Variants in ELAPOR2 observed in about 807,000 individuals in gnomAD.
The protein encoded by ELAPOR2 is endosome-lysosome associated apoptosis and autophagy regulator family member 2, also known as endosome/lysosome-associated apoptosis and autophagy regulator family member 2.
A neutral mutation model predicts 120.7 loss-of-function variants in ELAPOR2; 89 were observed. The ratio of observed to expected loss-of-function variants is 0.74; its 90% confidence interval spans 0.62 to 0.88. The LOEUF is 0.88. Among genes scored for constraint, ELAPOR2 ranks in the 40% least tolerant of loss-of-function variants. The pLI is 0.00. For synonymous variants in ELAPOR2, 444 were observed against 444.9 expected (o/e 1.00, Z 0.03); for missense variants, 1,134 against 1,251.6 (o/e 0.91, Z 1.42).
At chr7:86,972,410 C>G (rs1792135731) in intron 1 of ELAPOR2, among the ~76,000 whole-genome samples, 1 of 152,044 alleles carries the variant, frequency 6.6e-6, no homozygotes, top group Non-Finnish European at 1.5e-5. Context: ...CTGCACCTCC[C>G]TGGTTTGCAG....
chr7:86,893,296 T>A lies in ELAPOR2; in HGVS notation c.2686-196A>T, dbSNP rs202059231. On this transcript the variant is annotated intron_variant, in intron 19 of 21. Transcript: ENST00000450689. ...GCTCCAGAAACACAGGAAAAAAATA[T>A]ATGTGAATGAATAAGGAATTAATGA... 1.0e-3 allele frequency among the ~76,000 whole-genome samples: 157 copies of A among 151,976 alleles called. 2 individuals carry two copies. The highest frequency in any genetic ancestry group is 0.01 in the East Asian group (52 of 5,140).
intron 21 of ELAPOR2, 33 bp downstream of exon 21, chr7:86,891,691 C>T (rs200730802): frequency 6.3e-7 from 1 of 1,581,650 alleles, no homozygotes; most frequent in African/African-American, 1.4e-5. Flanking sequence ...TTTATAAACA[C>T]CCAGTAACAC....
intron 1 of ELAPOR2, among the ~76,000 whole-genome samples, chr7:87,026,519 A>G (rs1275654107): frequency 6.6e-6 from 1 of 151,950 alleles, no homozygotes; most frequent in Non-Finnish European, 1.5e-5. Context: ...GAACTTTAGA[A>G]TTCCCAGTTA....
intron 12 of ELAPOR2, among the ~76,000 whole-genome samples, chr7:86,917,673 T>G (rs1231728364): frequency 6.6e-6 from 1 of 152,120 alleles, no homozygotes; most frequent in East Asian, 1.9e-4. Context: ...AAGTGGATAC[T>G]TTTTTTCAGA....
intron 12 of ELAPOR2, among the ~76,000 whole-genome samples, chr7:86,917,184 C>T (rs1011100568): frequency 6.6e-6 from 1 of 151,798 alleles, no homozygotes; most frequent in Admixed American, 6.6e-5. Flanking sequence ...CTTTGGGAGG[C>T]CAAAATGGGC....
chr7:87,042,621 G>T (rs1794822225), intron 1 of ELAPOR2, among the ~76,000 whole-genome samples: 1 of 151,868 alleles, frequency 6.6e-6, no homozygotes, highest in Non-Finnish European at 1.5e-5. Context: ...GTGTGTAGAG[G>T]GAAATTTACA....
At chr7:86,989,695 C>CA (rs1792877690) in intron 1 of ELAPOR2, among the ~76,000 whole-genome samples, 1 of 152,116 alleles carries the variant, frequency 6.6e-6, no homozygotes. Context: ...CCTCAAGTTT[C>CA]AAGTGGAATC....
chr7:86,983,985 G>C (rs1792611614), intron 1 of ELAPOR2, among the ~76,000 whole-genome samples: 1 of 152,172 alleles, frequency 6.6e-6, no homozygotes, highest in East Asian at 1.9e-4. Flanking sequence ...TAAAGGGATG[G>C]AGGAAGATCT....
intron 2 of ELAPOR2, among the ~76,000 whole-genome samples, chr7:86,962,643 T>C (rs1260990138): frequency 1.3e-5 from 2 of 152,168 alleles, no homozygotes; most frequent in African/African-American, 2.4e-5. Context: ...TGACATAAGG[T>C]AAATTACTTC....
chr7:86,955,897 G>C (rs1791449636), intron 2 of ELAPOR2, among the ~76,000 whole-genome samples: 1 of 147,320 alleles, frequency 6.8e-6, no homozygotes. Flanking sequence ...TAACTAAACT[G>C]AGAAAAATCC....
At chr7:86,914,608 T>C in intron 13 of ELAPOR2, 115 bp downstream of exon 13, 1 of 799,150 alleles carries the variant, frequency 1.3e-6, no homozygotes, top group South Asian at 2.6e-5. Flanking sequence ...ATTCATTCCA[T>C]ATTTTTTAAA....
At chr7:86,917,141 TG>T (rs539465439) in intron 12 of ELAPOR2, among the ~76,000 whole-genome samples, 7 of 151,754 alleles carry the variant, frequency 4.6e-5, no homozygotes, top group Admixed American at 2.6e-4. Flanking sequence ...TAATTTTAGT[TG>T]GGCGCGGTGA....
intron 1 of ELAPOR2, among the ~76,000 whole-genome samples, chr7:87,018,967 T>TAAGGAGACTTGGAAAAACATGTGAGC (rs1445364053): frequency 1.3e-5 from 2 of 152,126 alleles, no homozygotes; most frequent in African/African-American, 4.8e-5. Context: ...ACCAATCACC[T>TAAGGAGACTTGGAAAAACATGTGAGC]AAGGGAGACT....
At chr7:86,962,915 C>A (rs1791772327) in intron 2 of ELAPOR2, among the ~76,000 whole-genome samples, 1 of 152,174 alleles carries the variant, frequency 6.6e-6, no homozygotes, top group Admixed American at 6.5e-5. Context: ...AAGTTATGAA[C>A]TGTGCTTCTA....
chr7:86,943,970 A>G (rs981368369), intron 4 of ELAPOR2, among the ~76,000 whole-genome samples: 2 of 152,078 alleles, frequency 1.3e-5, no homozygotes. Flanking sequence ...TTGGAACTAG[A>G]GCCAGAATCT....
chr7:86,938,686 C>T, intron 7 of ELAPOR2, 122 bp downstream of exon 7: 1 of 907,202 alleles, frequency 1.1e-6, no homozygotes, highest in Non-Finnish European at 1.7e-6. Context: ...CATCAATTCA[C>T]TCCAGCACTT....
At chr7:86,968,258 G>C (rs114031920) in intron 1 of ELAPOR2, among the ~76,000 whole-genome samples, 1,883 of 152,182 alleles carry the variant, frequency 0.012, 31 homozygotes, top group African/African-American at 0.043. Flanking sequence ...CTTAAAACTG[G>C]CCCCTTGGAA....
intron 1 of ELAPOR2, chr7:86,965,677 G>A (rs1791877792): frequency 3.1e-6 from 1 of 320,118 alleles, no homozygotes. Context: ...TTCTCACAAT[G>A]ACCTCCCTTG....
intron 2 of ELAPOR2, among the ~76,000 whole-genome samples, chr7:86,954,393 C>T (rs544482089): frequency 2.9e-4 from 44 of 152,226 alleles, no homozygotes; most frequent in African/African-American, 1.0e-3. Flanking sequence ...CTCCAGAGAC[C>T]TCATGTTTTG....
Sources: gnomAD v4.1 joint callset for allele counts (sites outside exome capture counted in the v4.1 genomes callset) on GRCh38, gnomAD v4.1.1 for gene constraint, MANE v1.5 for transcripts, NCBI Gene and HGNC (gene_info 2026-07-23, HGNC 2026-07-21) for gene names.